SLC35F3: variants seen among roughly 807,000 people sequenced by gnomAD.
The protein encoded by SLC35F3 is putative thiamine transporter SLC35F3.
In SLC35F3, 25 loss-of-function variants were observed where a neutral mutation model predicts 49.9. The observed-to-expected ratio is 0.50, with a 90% CI of 0.37 to 0.70. SLC35F3 has a LOEUF of 0.70. Ranked by LOEUF, SLC35F3 falls within the 30% of genes least tolerant of loss-of-function variation. The probability of loss-of-function intolerance (pLI) is 0.00; values close to 1 mark genes in which losing one functional copy is unlikely to be tolerated. For missense variants in SLC35F3, 525 were observed against 639.8 expected, an observed-to-expected ratio of 0.82 and a Z score of 1.94; for synonymous variants, 275 against 265.4, an observed-to-expected ratio of 1.04 and a Z score of -0.35.
At chr1:234,044,416 T>C (rs533894461) in intron 2 of SLC35F3, among the ~76,000 whole-genome samples, 97 of 152,344 alleles carry the variant, frequency 6.4e-4, no homozygotes, top group Non-Finnish European at 1.2e-3. Context: ...TTAAAGAATA[T>C]TCTTGTCTTT....
chr1:234,065,474 G>A (rs956196715), intron 2 of SLC35F3, among the ~76,000 whole-genome samples: 1 of 152,116 alleles, frequency 6.6e-6, no homozygotes, highest in Non-Finnish European at 1.5e-5. Context: ...AAATAAATTG[G>A]CTTCTGGTTT....
At chr1:234,167,874 T>C (rs1486799392) in intron 2 of SLC35F3, among the ~76,000 whole-genome samples, 2 of 152,184 alleles carry the variant, frequency 1.3e-5, no homozygotes, top group Non-Finnish European at 2.9e-5. Flanking sequence ...TCCCAGCCCA[T>C]GTTCTATCCC....
intron 2 of SLC35F3, among the ~76,000 whole-genome samples, chr1:233,924,342 G>C (rs1662120322): frequency 6.6e-6 from 1 of 152,146 alleles, no homozygotes; most frequent in Admixed American, 6.5e-5. Flanking sequence ...GGTCTATTCA[G>C]GGATTCAACT....
intron 3 of SLC35F3, among the ~76,000 whole-genome samples, chr1:234,291,604 AT>A (rs1668509230): frequency 6.6e-6 from 1 of 151,968 alleles, no homozygotes; most frequent in Non-Finnish European, 1.5e-5. Context: ...AAGTGGCTAA[AT>A]TTTTTTAAGA....
intron 2 of SLC35F3, among the ~76,000 whole-genome samples, chr1:233,963,298 CTTTTTTTTTTTTCTTTT>C (rs1662836092): frequency 6.9e-6 from 1 of 145,116 alleles, no homozygotes; most frequent in Non-Finnish European, 1.5e-5. Flanking sequence ...TTCTTTCTTT[CTTTTTTTTTTTTCTTTT>C]TTTGAGATGG....
intron 2 of SLC35F3, among the ~76,000 whole-genome samples, chr1:233,936,629 C>G (rs551770976): frequency 6.6e-6 from 1 of 151,778 alleles, no homozygotes; most frequent in East Asian, 1.9e-4. Flanking sequence ...CCTCCTCATT[C>G]TTCTTCTTCT....
At chr1:234,092,242 C>CT (rs1665054625) in intron 2 of SLC35F3, among the ~76,000 whole-genome samples, 1 of 152,142 alleles carries the variant, frequency 6.6e-6, no homozygotes, top group Non-Finnish European at 1.5e-5. Flanking sequence ...TATCAAGTTC[C>CT]TTTACAGAAA....
At chr1:234,014,080 A>G (rs1663765784) in intron 2 of SLC35F3, among the ~76,000 whole-genome samples, 1 of 151,464 alleles carries the variant, frequency 6.6e-6, no homozygotes. Flanking sequence ...AATACAGATG[A>G]AAAAATCCTC....
intron 2 of SLC35F3, among the ~76,000 whole-genome samples, chr1:234,153,896 T>C (rs1666112278): frequency 6.6e-6 from 1 of 151,090 alleles, no homozygotes; most frequent in Non-Finnish European, 1.5e-5. Flanking sequence ...ACCCCGTCTC[T>C]ACTAAAAATA....
At chr1:234,126,379 C>A (rs1237413671) in intron 2 of SLC35F3, among the ~76,000 whole-genome samples, 1 of 152,048 alleles carries the variant, frequency 6.6e-6, no homozygotes, top group African/African-American at 2.4e-5. Flanking sequence ...TTACCGTTAC[C>A]CAGTTTCCAC....
At chr1:234,232,201 C>A (rs1667389557) in intron 3 of SLC35F3, among the ~76,000 whole-genome samples, 1 of 151,902 alleles carries the variant, frequency 6.6e-6, no homozygotes, top group Non-Finnish European at 1.5e-5. Context: ...CCAAGACATG[C>A]CCCCCTTCGC....
intron 2 of SLC35F3, among the ~76,000 whole-genome samples, chr1:233,930,883 A>G (rs1662232182): frequency 6.6e-6 from 1 of 152,132 alleles, no homozygotes; most frequent in Non-Finnish European, 1.5e-5. Context: ...TAGGCTGAGG[A>G]GTGGGAGGAA....
intron 2 of SLC35F3, among the ~76,000 whole-genome samples, chr1:234,187,867 G>GT: frequency 6.6e-6 from 1 of 152,318 alleles, no homozygotes; most frequent in Non-Finnish European, 1.5e-5. Context: ...GCTGAACTTT[G>GT]TAACAATTAC....
chr1:234,150,940 A>G (rs1411224206), intron 2 of SLC35F3, among the ~76,000 whole-genome samples: 2 of 152,210 alleles, frequency 1.3e-5, no homozygotes, highest in African/African-American at 2.4e-5. Flanking sequence ...TTCCCAGGAA[A>G]GAACAGAGTA....
intron 3 of SLC35F3, among the ~76,000 whole-genome samples, chr1:234,259,687 GATAATAATA>G (rs199933955): frequency 1.3e-5 from 2 of 150,722 alleles, no homozygotes; most frequent in African/African-American, 4.9e-5. Context: ...TAATAATAAT[GATAATAATA>G]ATAATAATAA....
At chr1:234,187,410 G>T (rs1666658621) in intron 2 of SLC35F3, among the ~76,000 whole-genome samples, 1 of 152,186 alleles carries the variant, frequency 6.6e-6, no homozygotes, top group Admixed American at 6.5e-5. Flanking sequence ...ACAGGAGGCA[G>T]GACTAAATTG....
Position 233,994,501 on chromosome 1 carries a change from T to A in SLC35F3, c.283+88743T>A, listed in dbSNP as rs1558199817. Among the ~76,000 whole-genome samples the A allele has an allele frequency of 2.0e-5, 3 of 152,238 alleles. No homozygotes were observed. The South Asian group carries it at 6.2e-4, about 32-fold the overall frequency. The stretch of plus-strand genomic sequence containing the variant: ...ATCCTCCTGTAGGAACACCGGCCTG[T>A]TTTCTAAATGCTGGATACTGGTTAA... On this transcript the variant is annotated intron_variant, in intron 2 of 7. Coordinates refer to ENST00000366618, the MANE Select transcript of SLC35F3 (RefSeq NM_173508.4).
chr1:234,273,271 G>A (rs1274924771), intron 3 of SLC35F3, among the ~76,000 whole-genome samples: 1 of 152,202 alleles, frequency 6.6e-6, no homozygotes, highest in Non-Finnish European at 1.5e-5. Flanking sequence ...TATACAGGCT[G>A]TTGCCTATAA....
At chr1:234,155,387 A>G (rs1229848317) in intron 2 of SLC35F3, among the ~76,000 whole-genome samples, 9 of 144,374 alleles carry the variant, frequency 6.2e-5, no homozygotes, top group African/African-American at 2.5e-4. Context: ...GAAAACTGCT[A>G]TTCACCTGAT....
Sources: gnomAD v4.1 joint callset for allele counts (sites outside exome capture counted in the v4.1 genomes callset) on GRCh38, gnomAD v4.1.1 for gene constraint, MANE v1.5 for transcripts, NCBI Gene and HGNC (gene_info 2026-07-23, HGNC 2026-07-21) for gene names.